STEAP1B: variants seen among roughly 807,000 people sequenced by gnomAD.
STEAP1B encodes the protein STEAP family protein MGC87042.
STEAP1B carries 13 observed loss-of-function variants against 27.9 expected under a neutral mutation model. The observed-to-expected ratio is 0.47, with a 90% CI of 0.30 to 0.74. The LOEUF is 0.74. STEAP1B is among the 30% of genes least tolerant of loss of function. The probability of loss-of-function intolerance (pLI) is 0.06; values close to 1 mark genes in which losing one functional copy is unlikely to be tolerated. For synonymous variants in STEAP1B, 86 were observed against 107.1 expected (o/e 0.80, Z 1.22); for missense variants, 250 against 298.7 (o/e 0.84, Z 1.20).
intron 4 of STEAP1B, among the ~76,000 whole-genome samples, chr7:22,485,428 T>C (rs118131707): frequency 0.015 from 2,220 of 152,340 alleles, 102 homozygotes; most frequent in Admixed American, 0.095. Context: ...TAAATTAAGA[T>C]ATGTACATTT....
intron 4 of STEAP1B, among the ~76,000 whole-genome samples, chr7:22,470,347 A>C: frequency 6.6e-6 from 1 of 152,240 alleles, no homozygotes; most frequent in South Asian, 2.1e-4. Flanking sequence ...TTGTAACAAA[A>C]AGTAAGATGA....
At chr7:22,426,286 T>C (rs913127704) in intron 4 of STEAP1B, among the ~76,000 whole-genome samples, 5 of 152,144 alleles carry the variant, frequency 3.3e-5, no homozygotes, top group Non-Finnish European at 5.9e-5. Flanking sequence ...AAAATAATAA[T>C]TGATTGAAAT....
chr7:22,492,777 T>A, intron 3 of STEAP1B, 48 bp from the exon 4 acceptor site: 1 of 1,552,980 alleles, frequency 6.4e-7, no homozygotes, highest in Non-Finnish European at 8.7e-7. Context: ...AACAGTTATT[T>A]CCTGAATGTG....
At chr7:22,436,999 G>T (rs1400932955) in intron 4 of STEAP1B, among the ~76,000 whole-genome samples, 1 of 152,172 alleles carries the variant, frequency 6.6e-6, no homozygotes, top group Non-Finnish European at 1.5e-5. Context: ...AGCAAAAATT[G>T]ACAAATGGGA....
intron 3 of STEAP1B, 96 bp from the exon 4 acceptor site, chr7:22,492,825 G>A: frequency 6.9e-7 from 1 of 1,451,624 alleles, no homozygotes; most frequent in Non-Finnish European, 9.1e-7. Context: ...GTACTATGAA[G>A]CCCTGATAAC....
rs750884677 is a variant in STEAP1B, at chr7:22,493,342, T to C, written c.579A>G (p.Leu193=). ...AMRRSYRYKL[L]NWAYQQVQQN... is the part of the protein sequence containing the mutation. ...ATCTCACCTGTTGATATGCCCAGTT[T>C]AGCAACTTGTATCTGTAGGATCGCC... is the stretch of plus-strand genomic sequence containing the variant. The change falls in exon 3 of 5, where the codon CTA becomes CTG. Residue 193 remains leucine (L), a synonymous_variant. Coordinates refer to ENST00000678116, the MANE Select transcript of STEAP1B (RefSeq NM_001382447.1). 2.5e-6 allele frequency: 4 copies of C among 1,612,744 alleles called. No individual in the cohort carries two copies. In the Admixed American group the frequency reaches 6.7e-5, roughly 27 times the overall value.
intron 4 of STEAP1B, among the ~76,000 whole-genome samples, chr7:22,481,072 G>A (rs1043457481): frequency 2.1e-4 from 32 of 152,230 alleles, no homozygotes; most frequent in African/African-American, 7.7e-4. Flanking sequence ...TGTGAGGGGA[G>A]GTCACTGGAT....
At chr7:22,471,893 C>CAAAAAA (rs59453902) in intron 4 of STEAP1B, among the ~76,000 whole-genome samples, 5 of 60,178 alleles carry the variant, frequency 8.3e-5, no homozygotes, top group Admixed American at 2.0e-4. Context: ...AACCTGTCTC[C>CAAAAAA]AAAAAAAAAA....
chr7:22,438,258 G>A (rs938317612), intron 4 of STEAP1B, among the ~76,000 whole-genome samples: 1 of 152,140 alleles, frequency 6.6e-6, no homozygotes, highest in Non-Finnish European at 1.5e-5. Context: ...AAAGTCATAC[G>A]CACTGCTTCT....
chr7:22,488,599 C>T (rs1786261499), intron 4 of STEAP1B, among the ~76,000 whole-genome samples: 1 of 152,176 alleles, frequency 6.6e-6, no homozygotes, highest in African/African-American at 2.4e-5. Context: ...AAACAAACAC[C>T]TCAGCCCTAA....
chr7:22,458,630 G>A (rs956851988), intron 4 of STEAP1B, among the ~76,000 whole-genome samples: 11 of 152,214 alleles, frequency 7.2e-5, no homozygotes, highest in Non-Finnish European at 1.3e-4. Context: ...GACAGATGGA[G>A]GGAAAGCATT....
intron 4 of STEAP1B, among the ~76,000 whole-genome samples, chr7:22,464,542 T>C (rs1459759029): frequency 6.6e-6 from 1 of 152,142 alleles, no homozygotes; most frequent in Non-Finnish European, 1.5e-5. Flanking sequence ...CCTCGGAAAG[T>C]GACCATATTT....
intron 4 of STEAP1B, among the ~76,000 whole-genome samples, chr7:22,462,851 G>A (rs999352353): frequency 1.3e-5 from 2 of 151,952 alleles, no homozygotes; most frequent in East Asian, 1.9e-4. Flanking sequence ...CCCACCAACA[G>A]TGTAAAAGTG....
At chr7:22,496,635 C>T (rs1235497801) in intron 1 of STEAP1B, among the ~76,000 whole-genome samples, 3 of 152,222 alleles carry the variant, frequency 2.0e-5, no homozygotes, top group Admixed American at 6.5e-5. Flanking sequence ...CAACTGCCCA[C>T]AGTATTCAGC....
Position 22,465,550 on chromosome 7 carries a change from T to G in STEAP1B, c.762+27015A>C, listed in dbSNP as rs1170951045. ...TCCATCCTACTAATACTACAACTTATTTTCAATTTCTTTTGTTATTGTTAT... is the reference window on the plus strand; with the variant it reads ...TCCATCCTACTAATACTACAACTTAGTTTCAATTTCTTTTGTTATTGTTAT... On this transcript the variant is annotated intron_variant, in intron 4 of 4. Transcript: ENST00000678116. Among the ~76,000 whole-genome samples the G allele has an allele frequency of 2.0e-5, 3 of 150,972 alleles. No individual in the cohort carries two copies. The East Asian group carries it at 5.9e-4, about 30-fold the overall frequency.
chr7:22,435,659 A>T (rs1212874872), intron 4 of STEAP1B, among the ~76,000 whole-genome samples: 1 of 152,246 alleles, frequency 6.6e-6, no homozygotes, highest in Non-Finnish European at 1.5e-5. Context: ...AAACTGAGAC[A>T]AGACAGTATT....
At chr7:22,494,429 C>CT (rs5882846) in intron 2 of STEAP1B, among the ~76,000 whole-genome samples, 69,036 of 145,720 alleles carry the variant, frequency 0.47, 16,323 homozygotes, top group Middle Eastern at 0.61. Context: ...GCATTGATGA[C>CT]TTTTTTTTTT....
At chr7:22,490,341 G>A (rs73685805) in intron 4 of STEAP1B, among the ~76,000 whole-genome samples, 4,925 of 151,936 alleles carry the variant, frequency 0.032, 134 homozygotes, top group African/African-American at 0.075. Context: ...TACTTATTAT[G>A]CCTCTATGTA....
intron 4 of STEAP1B, among the ~76,000 whole-genome samples, chr7:22,457,439 A>G (rs112155586): frequency 0.029 from 4,366 of 152,274 alleles, 139 homozygotes; most frequent in Admixed American, 0.089. Context: ...AAGCCATTGT[A>G]GTAATTAAAA....
Sources: gnomAD v4.1 joint callset for allele counts (sites outside exome capture counted in the v4.1 genomes callset) on GRCh38, gnomAD v4.1.1 for gene constraint, MANE v1.5 for transcripts, NCBI Gene and HGNC (gene_info 2026-07-23, HGNC 2026-07-21) for gene names.